Variants in ZFHX3 observed in about 807,000 individuals in gnomAD.
ZFHX3 encodes zinc finger homeobox 3.
Under a neutral mutation model 279.1 loss-of-function variants are expected in ZFHX3, and 42 were observed. That is an observed-to-expected ratio of 0.15 (90% CI 0.12 to 0.19). ZFHX3 has a LOEUF of 0.19. Among genes scored for constraint, ZFHX3 ranks in the 10% least tolerant of loss-of-function variants. The probability of loss-of-function intolerance (pLI) is 1.00; values close to 1 mark genes in which losing one functional copy is unlikely to be tolerated. For synonymous variants in ZFHX3, 2,293 were observed against 1,957.8 expected (o/e 1.17, Z -4.52); for missense variants, 4,981 against 4,754.0 (o/e 1.05, Z -1.40).
chr16:73,407,225 C>G (rs1220621750), intron 3 of ZFHX3, among the ~76,000 whole-genome samples: 1 of 152,188 alleles, frequency 6.6e-6, no homozygotes, highest in African/African-American at 2.4e-5. Context: ...GCCAGTCGTG[C>G]AGAGGTTAGA....
chr16:73,340,967 G>C (rs2016020787), intron 3 of ZFHX3, among the ~76,000 whole-genome samples: 2 of 152,236 alleles, frequency 1.3e-5, no homozygotes, highest in Non-Finnish European at 1.5e-5. Context: ...AAAATCAAAA[G>C]ATGCGTGACA....
At chr16:73,750,006 A>G (rs893325575) in intron 1 of ZFHX3, among the ~76,000 whole-genome samples, 2 of 152,134 alleles carry the variant, frequency 1.3e-5, no homozygotes, top group African/African-American at 4.8e-5. Context: ...GTATCTACTC[A>G]CCTGGCCACC....
chr16:72,991,616 T>C (rs1352012105), intron 1 of ZFHX3, among the ~76,000 whole-genome samples: 2 of 152,230 alleles, frequency 1.3e-5, no homozygotes, highest in Non-Finnish European at 2.9e-5. Context: ...TTAATATTTA[T>C]TAACATTTAT....
chr16:73,855,285 A>C (rs1262439842), intron 1 of ZFHX3, among the ~76,000 whole-genome samples: 1 of 137,992 alleles, frequency 7.2e-6, no homozygotes, highest in Non-Finnish European at 1.5e-5. Context: ...CGTGAAATTC[A>C]GGGCAATGAA....
chr16:72,801,623 C>T lies in ZFHX3; in HGVS notation c.3865-1494G>A, dbSNP rs148963575. ...AGCATTCTGAGAAATGCTGTGTTTA[C>T]GAAGAGCAGGTGTGTGGCAGGTGAA... On this transcript the variant is annotated intron_variant, in intron 7 of 9. Transcript: ENST00000268489. Among the ~76,000 whole-genome samples, 8 of 152,244 alleles carry T rather than the reference C, an allele frequency of 5.3e-5. No homozygotes were observed. In the East Asian group the frequency reaches 7.7e-4, roughly 15 times the overall value.
At chr16:72,881,785 G>A (rs754157474) in intron 4 of ZFHX3, among the ~76,000 whole-genome samples, 1 of 152,004 alleles carries the variant, frequency 6.6e-6, no homozygotes, top group East Asian at 1.9e-4. Context: ...CTCCCCTCCA[G>A]TGAAATCCAG....
At chr16:72,837,187 T>C (rs979624967) in intron 4 of ZFHX3, among the ~76,000 whole-genome samples, 4 of 152,178 alleles carry the variant, frequency 2.6e-5, no homozygotes, top group Admixed American at 6.5e-5. Context: ...TTTTCCATTT[T>C]CTCACCCACT....
intron 4 of ZFHX3, among the ~76,000 whole-genome samples, chr16:72,837,582 G>T (rs766893827): frequency 6.7e-6 from 1 of 150,342 alleles, no homozygotes; most frequent in Non-Finnish European, 1.5e-5. Context: ...GGGCTCAAGC[G>T]ATCCTCCTGA....
At chr16:72,994,594 G>A (rs1358012945) in intron 1 of ZFHX3, among the ~76,000 whole-genome samples, 1 of 152,232 alleles carries the variant, frequency 6.6e-6, no homozygotes, top group Non-Finnish European at 1.5e-5. Flanking sequence ...TCCCCAGGTG[G>A]ATGGCAGGGA....
intron 1 of ZFHX3, among the ~76,000 whole-genome samples, chr16:73,804,110 T>C (rs1373932174): frequency 6.6e-6 from 1 of 152,206 alleles, no homozygotes; most frequent in Non-Finnish European, 1.5e-5. Flanking sequence ...TGAGCCGAGA[T>C]TGTGCTACTG....
chr16:72,870,332 C>T (rs755157452), intron 4 of ZFHX3, among the ~76,000 whole-genome samples: 37 of 151,770 alleles, frequency 2.4e-4, no homozygotes, highest in Non-Finnish European at 4.7e-4. Context: ...GTGGAGGTTG[C>T]AGTGAGCCAA....
intron 4 of ZFHX3, among the ~76,000 whole-genome samples, chr16:72,854,136 T>C (rs1037186140): frequency 2.0e-5 from 3 of 152,218 alleles, no homozygotes; most frequent in Non-Finnish European, 2.9e-5. Context: ...AAGAATTTCA[T>C]GCTGATTGCT....
At chr16:73,883,819 G>A (rs1001793567) in intron 1 of ZFHX3, among the ~76,000 whole-genome samples, 8 of 152,076 alleles carry the variant, frequency 5.3e-5, no homozygotes, top group African/African-American at 1.9e-4. Context: ...CAAGTCAAGG[G>A]TGCCTCTTAC....
chr16:73,138,008 T>A (rs1490035735), intron 6 of ZFHX3, among the ~76,000 whole-genome samples: 1 of 152,128 alleles, frequency 6.6e-6, no homozygotes, highest in Non-Finnish European at 1.5e-5. Flanking sequence ...ATTCTAATGA[T>A]TTCTTGACAA....
intron 1 of ZFHX3, among the ~76,000 whole-genome samples, chr16:73,733,467 A>G (rs1052110105): frequency 5.3e-5 from 8 of 152,158 alleles, no homozygotes; most frequent in African/African-American, 1.9e-4. Flanking sequence ...ATTTTTATAT[A>G]CCCCCAAATT....
chr16:72,949,416 C>T (rs1960865391), intron 3 of ZFHX3, among the ~76,000 whole-genome samples: 1 of 152,086 alleles, frequency 6.6e-6, no homozygotes, highest in Non-Finnish European at 1.5e-5. Context: ...GCGATTTGTA[C>T]CTGATTGTTC....
chr16:73,792,856 A>ACCCCC (rs55813623), intron 1 of ZFHX3, among the ~76,000 whole-genome samples: 10 of 135,094 alleles, frequency 7.4e-5, no homozygotes, highest in African/African-American at 8.7e-5. Context: ...CATACAGTGC[A>ACCCCC]CCCCCCCCCT....
chr16:73,416,590 T>A (rs2143476661), intron 3 of ZFHX3, among the ~76,000 whole-genome samples: 1 of 152,152 alleles, frequency 6.6e-6, no homozygotes, highest in Non-Finnish European at 1.5e-5. Context: ...AGTTGAGAAG[T>A]CGGCCGGACG....
chr16:73,672,605 A>C (rs1334444883), intron 2 of ZFHX3, among the ~76,000 whole-genome samples: 1 of 151,708 alleles, frequency 6.6e-6, no homozygotes, highest in Non-Finnish European at 1.5e-5. Context: ...AAATGATCAT[A>C]AAAATCAAAA....
Sources: gnomAD v4.1 joint callset for allele counts (sites outside exome capture counted in the v4.1 genomes callset) on GRCh38, gnomAD v4.1.1 for gene constraint, MANE v1.5 for transcripts, NCBI Gene and HGNC (gene_info 2026-07-23, HGNC 2026-07-21) for gene names.